SH2D7: variants seen among roughly 807,000 people sequenced by gnomAD.
The protein encoded by SH2D7 is SH2 domain-containing protein 7.
Under a neutral mutation model 40.8 loss-of-function variants are expected in SH2D7, and 32 were observed. The ratio of observed to expected loss-of-function variants is 0.78; its 90% confidence interval spans 0.59 to 1.05. The LOEUF (loss-of-function observed/expected upper bound fraction) is 1.05. SH2D7 is among the 50% of genes least tolerant of loss of function. SH2D7 has a pLI of 0.00. For synonymous variants in SH2D7, 195 were observed against 221.5 expected (o/e 0.88, Z 1.06); for missense variants, 559 against 566.6 (o/e 0.99, Z 0.14).
upstream of SH2D7, chr15:78,092,508 C>T (rs1282013558): frequency 6.2e-6 from 9 of 1,452,094 alleles, no homozygotes; most frequent in African/African-American, 1.3e-4. Flanking sequence ...CGGGCTCAGG[C>T]AAATGAGCCA....
At chr15:78,094,055 G>A in intron 1 of SH2D7, 57 bp from the exon 2 acceptor site, 1 of 1,524,350 alleles carries the variant, frequency 6.6e-7, no homozygotes, top group Non-Finnish European at 8.9e-7. Flanking sequence ...CCTAAGTCAG[G>A]CTGCACCTGC....
rs1462036398 is a variant in SH2D7, at chr15:78,103,524, C to T, written c.*9C>T. 1 of 1,561,502 alleles carries T rather than the reference C, an allele frequency of 6.4e-7. No homozygotes were observed. Among genetic ancestry groups the T allele is most frequent in the East Asian group, 2.4e-5 (1 of 41,898 alleles). On this transcript the variant is annotated 3_prime_UTR_variant, in exon 6 of 6. Transcript: ENST00000328828. The stretch of plus-strand genomic sequence containing the variant: ...GGAAGCACAAATTCTGAGGGCCTGG[C>T]ATCCGGCAGCCCACCAGTGGGTTTC...
Position 78,094,143 on chromosome 15 carries a change from C to A in SH2D7, c.208C>A (p.Leu70Ile). The change falls in exon 2 of 6, where the codon CTT (leucine) becomes ATT (isoleucine). Residue 70 changes from leucine (L) to isoleucine (I), a missense_variant. Leu to Ile is a conservative substitution (Grantham distance 5). Transcript: ENST00000328828. ...QTEQLLRDKA[L>I]GSFLIRLSDR... ...GGAGCAGCTACTCAGGGACAAAGCT[C>A]TTGGTTCCTTCCTTATCCGCCTCAG... The A allele has an allele frequency of 6.2e-7, 1 of 1,609,368 alleles. No individual in the cohort carries two copies. The highest frequency in any genetic ancestry group is 2.2e-5 in the East Asian group (1 of 44,688).
At chr15:78,100,379 C>A (rs1365252349) in intron 4 of SH2D7, among the ~76,000 whole-genome samples, 2 of 152,022 alleles carry the variant, frequency 1.3e-5, no homozygotes, top group African/African-American at 4.8e-5. Context: ...TGCTGGTGAC[C>A]CAAGGCCTTG....
At chr15:78,103,020 T>C (rs9806257) in intron 5 of SH2D7, among the ~76,000 whole-genome samples, 54,907 of 151,730 alleles carry the variant, frequency 0.36, 10,630 homozygotes, top group African/African-American at 0.52. Context: ...ACCACAGACC[T>C]GGCAGTGGAG....
chr15:78,097,141 T>C (rs986350779), intron 2 of SH2D7, among the ~76,000 whole-genome samples: 15 of 152,334 alleles, frequency 9.8e-5, no homozygotes, highest in Non-Finnish European at 1.0e-4. Context: ...AGAGAAGTAT[T>C]ATAGAAGTTC....
chr15:78,094,812 C>T (rs903092217), intron 2 of SH2D7, among the ~76,000 whole-genome samples: 1 of 152,070 alleles, frequency 6.6e-6, no homozygotes, highest in African/African-American at 2.4e-5. Context: ...GCACTGGGGA[C>T]TCCTGCAATT....
rs1220413085 is a variant in SH2D7 at position 78,103,506 on chromosome 15, C to T, written c.1347C>T (p.His449=). Residue 449 remains histidine (H), a synonymous_variant, in exon 6 of 6, where the codon CAC becomes CAT. Transcript: ENST00000328828. Reference sequence around the variant, plus strand: ...GGCTCTTCTTCACGTACAGGAAGCACAAATTCTGAGGGCCTGGCATCCGGC... The same window carrying T: ...GGCTCTTCTTCACGTACAGGAAGCATAAATTCTGAGGGCCTGGCATCCGGC... ...LRRLFFTYRK[H]KF is the part of the protein sequence containing the mutation. The T allele has an allele frequency of 5.1e-6, 8 of 1,564,698 alleles. No homozygotes were observed. The highest frequency in any genetic ancestry group is 6.1e-6 in the Non-Finnish European group (7 of 1,153,832).
chr15:78,093,962 C>T (rs950364130), intron 1 of SH2D7, 150 bp from the exon 2 acceptor site: 2 of 666,716 alleles, frequency 3.0e-6, no homozygotes, highest in Admixed American at 2.8e-5. Context: ...GCCACAGACC[C>T]ATCCACAGGT....
chr15:78,092,681 T>TG lies in SH2D7; in HGVS notation c.99dup (p.Phe34ValfsTer46). 1.9e-6 allele frequency: 3 copies of TG among 1,588,614 alleles called. No homozygotes were observed. The highest frequency in any genetic ancestry group is 2.6e-6 in the Non-Finnish European group (3 of 1,167,854). On this transcript the variant is annotated frameshift_variant, in exon 1 of 6. Coordinates refer to ENST00000328828, the MANE Select transcript of SH2D7 (RefSeq NM_001101404.2). LOFTEE classifies it high-confidence loss of function. The stretch of plus-strand genomic sequence containing the variant: ...TGAGCTCCAGGAGCTTGCCCTGAAG[T>TG]GGTTCATGGAGACACAGGCCCCCTT...
Position 78,103,494 on chromosome 15 carries a change from G to A in SH2D7, c.1335G>A (p.Thr445=), listed in dbSNP as rs375138386. 1.1e-4 allele frequency: 173 copies of A among 1,564,982 alleles called. No homozygotes were observed. The highest frequency in any genetic ancestry group is 8.9e-4 in the African/African-American group (66 of 73,776). Residue 445 remains threonine, a synonymous_variant, in exon 6 of 6, where the codon ACG becomes ACA. Transcript: ENST00000328828. ...KPDKLRRLFF[T]YRKHKF is the part of the protein sequence containing the mutation. ...ACAAGCTTCGGAGGCTCTTCTTCACGTACAGGAAGCACAAATTCTGAGGGC... is the reference window on the plus strand; with the variant it reads ...ACAAGCTTCGGAGGCTCTTCTTCACATACAGGAAGCACAAATTCTGAGGGC...
rs1232169180 is a variant in SH2D7, at chr15:78,092,610, G to A, written c.26G>A (p.Ser9Asn). 1.5e-5 allele frequency: 24 copies of A among 1,552,882 alleles called. No individual in the cohort carries two copies. Among genetic ancestry groups the A allele is most frequent in the Non-Finnish European group, 2.1e-5 (24 of 1,147,958 alleles). The change falls in exon 1 of 6, where the codon AGC becomes AAC. Residue 9 changes from serine (S) to asparagine (N), a missense_variant. Transcript: ENST00000328828. MEDSLKQLSLGRDPEGAGD... is the reference protein window; with the variant it reads MEDSLKQLNLGRDPEGAGD... ...ATGGAGGACAGCCTAAAGCAGCTCA[G>A]CCTGGGGAGAGATCCTGAGGGGGCA...
intron 4 of SH2D7, 124 bp downstream of exon 4, chr15:78,098,720 C>G: frequency 8.5e-7 from 1 of 1,171,966 alleles, no homozygotes; most frequent in Non-Finnish European, 1.2e-6. Context: ...TGAGCCAGGC[C>G]CAGAGGTGCG....
At chr15:78,103,208 C>T (rs955753535) in intron 5 of SH2D7, among the ~76,000 whole-genome samples, 2 of 152,142 alleles carry the variant, frequency 1.3e-5, no homozygotes, top group Non-Finnish European at 2.9e-5. Flanking sequence ...AGGTGAGGCT[C>T]GCCACCCTTT....
intron 3 of SH2D7, 109 bp from the exon 4 acceptor site, chr15:78,098,275 C>T (rs1487363919): frequency 2.1e-6 from 3 of 1,436,762 alleles, no homozygotes; most frequent in Non-Finnish European, 1.9e-6. Context: ...TACCTGAGGT[C>T]AGAGACCTGG....
intron 2 of SH2D7, among the ~76,000 whole-genome samples, chr15:78,097,194 G>A (rs1161053170): frequency 1.3e-5 from 2 of 152,202 alleles, no homozygotes; most frequent in African/African-American, 2.4e-5. Context: ...CGTCGGAATG[G>A]TGGCTACCTT....
chr15:78,093,010 G>T (rs566603562), intron 1 of SH2D7, among the ~76,000 whole-genome samples: 1 of 152,202 alleles, frequency 6.6e-6, no homozygotes, highest in Admixed American at 6.5e-5. Context: ...CTGCCAGGCT[G>T]CCAGAGGACA....
rs1316691453 is a variant in SH2D7, at chr15:78,101,323, A to G, written c.1070A>G (p.Glu357Gly). The G allele has an allele frequency of 6.2e-7, 1 of 1,613,266 alleles. No homozygotes were observed. Among genetic ancestry groups the G allele is most frequent in the Non-Finnish European group, 8.5e-7 (1 of 1,179,672 alleles). The change falls in exon 5 of 6, where the codon GAA becomes GGA. Residue 357 changes from glutamate to glycine, a missense_variant. Transcript: ENST00000328828. The stretch of plus-strand genomic sequence containing the variant: ...GATATCTATGAGTTCATCGGGACAG[A>G]AGGCCTCCTGCAAGAGGCCAGGGAC... ...SADIYEFIGT[E>G]GLLQEARDTP... is the part of the protein sequence containing the mutation.
chr15:78,092,655 C>T lies in SH2D7; in HGVS notation c.71C>T (p.Ala24Val). The T allele has an allele frequency of 6.4e-7, 1 of 1,572,686 alleles. No individual in the cohort carries two copies. Among genetic ancestry groups the T allele is most frequent in the Non-Finnish European group, 8.6e-7 (1 of 1,159,064 alleles). ...GGGGCAGGGGACAGCCAGGCCCTGGCTGAGCTCCAGGAGCTTGCCCTGAAG... is the reference window on the plus strand; with the variant it reads ...GGGGCAGGGGACAGCCAGGCCCTGGTTGAGCTCCAGGAGCTTGCCCTGAAG... ...PEGAGDSQALAELQELALKWF... is the reference protein window; with the variant it reads ...PEGAGDSQALVELQELALKWF... Residue 24 changes from alanine to valine, a missense_variant, in exon 1 of 6, where the codon GCT becomes GTT. Transcript: ENST00000328828.
Sources: gnomAD v4.1 joint callset for allele counts (sites outside exome capture counted in the v4.1 genomes callset) on GRCh38, gnomAD v4.1.1 for gene constraint, MANE v1.5 for transcripts, NCBI Gene and HGNC (gene_info 2026-07-23, HGNC 2026-07-21) for gene names.